Variants in DNAH12 observed in about 807,000 individuals in gnomAD.
DNAH12 encodes dynein axonemal heavy chain 12.
Under a neutral mutation model 371.5 loss-of-function variants are expected in DNAH12, and 285 were observed. That is an observed-to-expected ratio of 0.77 (90% CI 0.70 to 0.85). The LOEUF is 0.85. Among genes scored for constraint, DNAH12 ranks in the 40% least tolerant of loss-of-function variants. The probability of loss-of-function intolerance (pLI) is 0.00; values close to 1 mark genes in which losing one functional copy is unlikely to be tolerated. For synonymous variants in DNAH12, 1,200 were observed against 1,213.0 expected (o/e 0.99, Z 0.22); for missense variants, 3,611 against 3,689.4 (o/e 0.98, Z 0.55).
At chr3:57,402,509 A>G in intron 43 of DNAH12, 1 of 1,106,076 alleles carries the variant, frequency 9.0e-7, no homozygotes, top group Non-Finnish European at 1.2e-6. Context: ...TAAATCTGCT[A>G]GAAACCATTT....
chr3:57,539,409 T>C (rs1223411326), intron 2 of DNAH12, among the ~76,000 whole-genome samples: 2 of 152,228 alleles, frequency 1.3e-5, no homozygotes, highest in Non-Finnish European at 2.9e-5. Flanking sequence ...TCTTTGTCAG[T>C]TCCTAGAATG....
chr3:57,356,307 G>T (rs1004664128), intron 59 of DNAH12, among the ~76,000 whole-genome samples: 3 of 151,966 alleles, frequency 2.0e-5, no homozygotes, highest in African/African-American at 7.3e-5. Flanking sequence ...GCCAGACATA[G>T]TGGTGTGCAC....
At chr3:57,468,282 GCTATGACTATGCC>G (rs1292138712) in intron 17 of DNAH12, among the ~76,000 whole-genome samples, 1 of 152,120 alleles carries the variant, frequency 6.6e-6, no homozygotes, top group Admixed American at 6.6e-5. Flanking sequence ...GCTGCAGTGA[GCTATGACTATGCC>G]ACTGCACAGT....
At chr3:57,411,058 G>A (rs9856453) in intron 39 of DNAH12, among the ~76,000 whole-genome samples, 85,045 of 151,514 alleles carry the variant, frequency 0.56, 25,137 homozygotes, top group African/African-American at 0.76. Flanking sequence ...GGGAAGAAAG[G>A]AATGAAACTA....
At chr3:57,313,799 C>T (rs1394261458) in intron 66 of DNAH12, among the ~76,000 whole-genome samples, 1 of 152,038 alleles carries the variant, frequency 6.6e-6, no homozygotes, top group Admixed American at 6.6e-5. Flanking sequence ...ACAGCGAGAC[C>T]CCATCTCAAA....
Position 57,504,058 on chromosome 3 carries a change from A to T in DNAH12, c.1044T>A (p.Asp348Glu). The T allele has an allele frequency of 3.1e-6, 5 of 1,613,910 alleles. No individual in the cohort carries two copies. Among genetic ancestry groups the T allele is most frequent in the Non-Finnish European group, 4.2e-6 (5 of 1,179,862 alleles). Reference protein sequence around the residue: ...EFYPTFQDLEDNVLSLVERIA... With the variant: ...EFYPTFQDLEENVLSLVERIA... ...TTCGTTCCACCAAACTCAAGACATT[A>T]TCTTCCAAATCTTGAAAGGTAGGAT... Residue 348 changes from aspartate (D) to glutamate (E), a missense_variant, in exon 9 of 74, where the codon GAT becomes GAA. Coordinates refer to ENST00000495027, the MANE Select transcript of DNAH12 (RefSeq NM_001366028.2).
intron 9 of DNAH12, among the ~76,000 whole-genome samples, chr3:57,503,136 C>T (rs1272061806): frequency 6.6e-6 from 1 of 152,100 alleles, no homozygotes; most frequent in African/African-American, 2.4e-5. Context: ...GCCTATTGTC[C>T]CAGCTACTTG....
rs1035381938 is a variant in DNAH12, at chr3:57,334,959, G to A, written c.9675-19C>T. Reference sequence around the variant, plus strand: ...CCTTGCCCTGTATTCCCAAAATAAGGACTGTTATATAATTGTTGATTTTAA... The same window carrying A: ...CCTTGCCCTGTATTCCCAAAATAAGAACTGTTATATAATTGTTGATTTTAA... On this transcript the variant is annotated intron_variant, in intron 60 of 73. Coordinates refer to ENST00000495027, the MANE Select transcript of DNAH12 (RefSeq NM_001366028.2). The A allele has an allele frequency of 2.0e-6, 3 of 1,536,386 alleles. No individual in the cohort carries two copies. In the African/African-American group the frequency reaches 4.2e-5, roughly 21 times the overall value.
chr3:57,415,260 C>A (rs1407026331), intron 38 of DNAH12, among the ~76,000 whole-genome samples, 166 bp downstream of exon 38: 1 of 152,092 alleles, frequency 6.6e-6, no homozygotes, highest in Non-Finnish European at 1.5e-5. Context: ...TAAAAATGTT[C>A]TCTGAAACTT....
chr3:57,402,307 T>TC, intron 43 of DNAH12: 2 of 994,556 alleles, frequency 2.0e-6, no homozygotes, highest in South Asian at 1.6e-5. Flanking sequence ...CAGCAATTTC[T>TC]CCCTTTTTTT....
intron 4 of DNAH12, among the ~76,000 whole-genome samples, chr3:57,522,106 C>T (rs1408998503): frequency 6.6e-6 from 1 of 151,912 alleles, no homozygotes; most frequent in Non-Finnish European, 1.5e-5. Context: ...TGTCTGTAAT[C>T]CCAGCTACTC....
intron 2 of DNAH12, among the ~76,000 whole-genome samples, chr3:57,534,179 C>T (rs1298023603): frequency 1.3e-5 from 2 of 152,184 alleles, no homozygotes; most frequent in Non-Finnish European, 2.9e-5. Flanking sequence ...ACAATCACTG[C>T]ACTCTCCATC....
At chr3:57,437,852 G>A (rs1403487161) in intron 29 of DNAH12, among the ~76,000 whole-genome samples, 4 of 152,128 alleles carry the variant, frequency 2.6e-5, no homozygotes, top group Non-Finnish European at 5.9e-5. Context: ...CAATCATATG[G>A]CAGGACAATT....
rs1330662190 is a variant in DNAH12 at position 57,523,891 on chromosome 3, T to C, written c.171-7A>G. ...TCTTTTGGCTCCATCAATTCTGAAA[T>C]TTATAGTTAGAAATATGACTCTCTT... is the stretch of plus-strand genomic sequence containing the variant. On this transcript the variant is annotated splice_region_variant and splice_polypyrimidine_tract_variant and intron_variant, in intron 2 of 73. Transcript: ENST00000495027. The C allele has an allele frequency of 5.1e-6, 8 of 1,581,252 alleles. No homozygotes were observed. The highest frequency in any genetic ancestry group is 6.9e-6 in the Non-Finnish European group (8 of 1,160,936).
Position 57,508,471 on chromosome 3 carries a change from CA to C in DNAH12, c.611del (p.Leu204CysfsTer8). 1 of 1,613,162 alleles carries C rather than the reference CA, an allele frequency of 6.2e-7. No individual in the cohort carries two copies. Among genetic ancestry groups the C allele is most frequent in the African/African-American group, 1.3e-5 (1 of 74,958 alleles). ...VQARNQIFSN[L>X]HIIHPTMKML... is the part of the protein sequence containing the mutation. ...TTTTCATAGTTGGATGAATAATGTGCAAATTAGAGAATATTTGATTTCTTGC... is the reference window on the plus strand; with the variant it reads ...TTTTCATAGTTGGATGAATAATGTGCAATTAGAGAATATTTGATTTCTTGC... On this transcript the variant is annotated frameshift_variant, in exon 7 of 74. Coordinates refer to ENST00000495027, the MANE Select transcript of DNAH12 (RefSeq NM_001366028.2). LOFTEE classifies it high-confidence loss of function.
intron 34 of DNAH12, chr3:57,428,217 C>A (rs569926639): frequency 2.0e-6 from 1 of 502,504 alleles, no homozygotes; most frequent in South Asian, 2.2e-5. Context: ...AGGAGTGAGC[C>A]ACCGTGGCTG....
intron 13 of DNAH12, among the ~76,000 whole-genome samples, chr3:57,474,383 G>A (rs1267409663): frequency 6.6e-6 from 1 of 151,970 alleles, no homozygotes; most frequent in East Asian, 1.9e-4. Flanking sequence ...TGCAACCTCC[G>A]CCTCCCAGGT....
At chr3:57,318,910 A>G (rs1392144146) in intron 65 of DNAH12, among the ~76,000 whole-genome samples, 1 of 151,944 alleles carries the variant, frequency 6.6e-6, no homozygotes, top group African/African-American at 2.4e-5. Context: ...AGTTTTTAAG[A>G]TTGGGATTTT....
intron 62 of DNAH12, among the ~76,000 whole-genome samples, chr3:57,326,117 C>A (rs1211762598): frequency 6.6e-6 from 1 of 151,992 alleles, no homozygotes; most frequent in East Asian, 1.9e-4. Context: ...AGAATGGAAC[C>A]AAGTTGGAAA....
Sources: allele counts gnomAD v4.1 joint callset (sites outside exome capture counted in the v4.1 genomes callset), GRCh38; gene constraint gnomAD v4.1.1; transcripts MANE v1.5; gene names NCBI Gene and HGNC (gene_info 2026-07-23, HGNC 2026-07-21).